The following PTPRT variants were observed in gnomAD, a reference collection of about 807,000 sequenced individuals.
The protein encoded by PTPRT is protein tyrosine phosphatase receptor type T, also known as receptor-type tyrosine-protein phosphatase T.
A neutral mutation model predicts 176.8 loss-of-function variants in PTPRT; 56 were observed. The observed-to-expected ratio is 0.32, with a 90% CI of 0.26 to 0.40. The LOEUF (loss-of-function observed/expected upper bound fraction) is 0.40. Ranked by LOEUF, PTPRT falls within the 10% of genes least tolerant of loss-of-function variation. PTPRT has a pLI of 1.00. For synonymous variants in PTPRT, 783 were observed against 739.0 expected (o/e 1.06, Z -0.96); for missense variants, 1,540 against 1,908.2 (o/e 0.81, Z 3.60).
chr20:42,852,832 A>C (rs2145766430), intron 2 of PTPRT, among the ~76,000 whole-genome samples: 1 of 152,312 alleles, frequency 6.6e-6, no homozygotes, highest in South Asian at 2.1e-4. Flanking sequence ...GTGGGGCTGC[A>C]GAAACCCACT....
intron 8 of PTPRT, among the ~76,000 whole-genome samples, chr20:42,449,095 T>A (rs557135689): frequency 1.3e-5 from 2 of 152,278 alleles, no homozygotes; most frequent in East Asian, 3.9e-4. Context: ...TTCATCAGTT[T>A]CTTGACTAAT....
intron 6 of PTPRT, among the ~76,000 whole-genome samples, chr20:42,682,693 G>T (rs2075623458): frequency 6.6e-6 from 1 of 152,210 alleles, no homozygotes; most frequent in South Asian, 2.1e-4. Flanking sequence ...TCAAAGCGCT[G>T]CGAGGACAAG....
chr20:42,036,623 C>A, the PTPRT span, among the ~76,000 whole-genome samples: 3 of 152,118 alleles, frequency 2.0e-5, no homozygotes, highest in Non-Finnish European at 2.9e-5. Flanking sequence ...CCGAAGAGCA[C>A]TTAAAAGTCC....
intron 15 of PTPRT, among the ~76,000 whole-genome samples, chr20:42,215,202 G>C (rs937157506): frequency 6.6e-6 from 1 of 152,116 alleles, no homozygotes; most frequent in Non-Finnish European, 1.5e-5. Flanking sequence ...CCTGGGTTGG[G>C]GAGATGGCCC....
intron 17 of PTPRT, among the ~76,000 whole-genome samples, chr20:42,152,983 C>A (rs1170922055): frequency 2.0e-5 from 3 of 152,120 alleles, no homozygotes; most frequent in African/African-American, 7.2e-5. Context: ...TGCTTCCAAG[C>A]TTTGCACATG....
At chr20:42,829,113 G>A (rs1163297296) in intron 2 of PTPRT, among the ~76,000 whole-genome samples, 3 of 152,288 alleles carry the variant, frequency 2.0e-5, no homozygotes, top group East Asian at 1.9e-4. Flanking sequence ...CCAAGGCCAT[G>A]GGCACCCATC....
chr20:42,575,319 G>A (rs1013068030), intron 7 of PTPRT, among the ~76,000 whole-genome samples: 1 of 152,190 alleles, frequency 6.6e-6, no homozygotes, highest in African/African-American at 2.4e-5. Context: ...GGACAGAGAA[G>A]GAAGAAGAGG....
chr20:42,701,212 G>A (rs181723697), intron 6 of PTPRT, among the ~76,000 whole-genome samples: 7 of 152,214 alleles, frequency 4.6e-5, no homozygotes, highest in East Asian at 3.9e-4. Flanking sequence ...ACATTTCCAC[G>A]GGATTTTAGG....
chr20:42,996,566 G>A (rs1157108873), intron 1 of PTPRT, among the ~76,000 whole-genome samples: 7 of 152,146 alleles, frequency 4.6e-5, no homozygotes. Context: ...AGCTCCTTCT[G>A]CTATGAAAGA....
chr20:42,447,893 C>G lies in PTPRT; in HGVS notation c.1560+327G>C, dbSNP rs560785197. Among the ~76,000 whole-genome samples, 3 of 152,306 alleles carry G rather than the reference C, an allele frequency of 2.0e-5. No homozygotes were observed. In the South Asian group the frequency reaches 6.2e-4, roughly 32 times the overall value. On this transcript the variant is annotated intron_variant, in intron 9 of 30. Coordinates refer to ENST00000373187, the MANE Select transcript of PTPRT (RefSeq NM_007050.6). ...TGGGTATTGCAGTTTCCCAGACGAA[C>G]TTTCAGTACTGTTTGCCAGGCCTGG...
intron 6 of PTPRT, among the ~76,000 whole-genome samples, chr20:42,718,256 G>A (rs1176920128): frequency 6.6e-6 from 1 of 152,196 alleles, no homozygotes; most frequent in Non-Finnish European, 1.5e-5. Flanking sequence ...TAACAACGTG[G>A]GCCAGGCACG....
At chr20:42,880,213 A>G (rs1383059596) in intron 2 of PTPRT, among the ~76,000 whole-genome samples, 2 of 152,134 alleles carry the variant, frequency 1.3e-5, no homozygotes, top group African/African-American at 4.8e-5. Flanking sequence ...AAGGGAATGC[A>G]GCAGTGGGAT....
At chr20:42,469,796 T>A (rs115477153) in intron 8 of PTPRT, among the ~76,000 whole-genome samples, 1 of 151,942 alleles carries the variant, frequency 6.6e-6, no homozygotes, top group African/African-American at 2.4e-5. Flanking sequence ...ATCATCAAAG[T>A]AGACTGTGTA....
chr20:42,276,547 A>ATT (rs2057040361), intron 13 of PTPRT, among the ~76,000 whole-genome samples: 4 of 73,834 alleles, frequency 5.4e-5, no homozygotes, highest in African/African-American at 2.5e-4. Flanking sequence ...ATATATATAT[A>ATT]TATATATATA....
intron 7 of PTPRT, among the ~76,000 whole-genome samples, chr20:42,553,758 G>T (rs1482205518): frequency 1.3e-5 from 2 of 152,026 alleles, no homozygotes; most frequent in African/African-American, 4.8e-5. Flanking sequence ...ATCCAGTCAC[G>T]GGGCAGCCAG....
intron 1 of PTPRT, among the ~76,000 whole-genome samples, chr20:43,175,306 T>G (rs1490500584): frequency 6.6e-6 from 1 of 152,262 alleles, no homozygotes; most frequent in Admixed American, 6.5e-5. Context: ...TCCCTTCTTC[T>G]GCATGATGCA....
At chr20:42,037,384 G>C in the PTPRT span, among the ~76,000 whole-genome samples, 1 of 152,186 alleles carries the variant, frequency 6.6e-6, no homozygotes. Flanking sequence ...AGCCAACACT[G>C]TAGGGAGGGG....
chr20:43,113,884 TTTC>T (rs2012958272), intron 1 of PTPRT, among the ~76,000 whole-genome samples: 1 of 152,218 alleles, frequency 6.6e-6, no homozygotes, highest in African/African-American at 2.4e-5. Flanking sequence ...GTGTATAGAA[TTTC>T]TACTGGAGCC....
rs114951110 is a variant in PTPRT, at chr20:42,683,153, C to T, written c.860-4994G>A. ...TGGGAATGCCTCCACCCACCCAACC[C>T]TAGCCACCAACACAAACACATTCAT... is the stretch of plus-strand genomic sequence containing the variant. On this transcript the variant is annotated intron_variant, in intron 6 of 30. Transcript: ENST00000373187. 3.5e-4 allele frequency among the ~76,000 whole-genome samples: 53 copies of T among 152,324 alleles called. No individual in the cohort carries two copies. In the South Asian group the frequency reaches 0.011, roughly 31 times the overall value.
Sources: gnomAD v4.1 joint callset for allele counts (sites outside exome capture counted in the v4.1 genomes callset) on GRCh38, gnomAD v4.1.1 for gene constraint, MANE v1.5 for transcripts, NCBI Gene and HGNC (gene_info 2026-07-23, HGNC 2026-07-21) for gene names.